The following OR14A2 variants were observed in gnomAD, a reference collection of about 807,000 sequenced individuals.
OR14A2 encodes olfactory receptor family 14 subfamily A member 2, also known as olfactory receptor 14A2.
For synonymous variants in OR14A2, 114 were observed against 58.6 expected (o/e 1.95, Z -4.32); for missense variants, 237 against 152.9 (o/e 1.55, Z -2.90).
chr1:247,738,366 A>C, the OR14A2 span, among the ~76,000 whole-genome samples: 1 of 152,224 alleles, frequency 6.6e-6, no homozygotes, highest in African/African-American at 2.4e-5. Flanking sequence ...GAGGGAGAGA[A>C]GTGAAGTTCT....
chr1:247,731,154 A>G, the OR14A2 span, among the ~76,000 whole-genome samples: 1 of 151,948 alleles, frequency 6.6e-6, no homozygotes, highest in Non-Finnish European at 1.5e-5. Context: ...TGCTGTCAAC[A>G]AATTCCTCTT....
chr1:247,731,316 C>T, the OR14A2 span, among the ~76,000 whole-genome samples: 1 of 152,036 alleles, frequency 6.6e-6, no homozygotes, highest in Non-Finnish European at 1.5e-5. Flanking sequence ...GTGTAATCAT[C>T]ATTTCTAGTG....
chr1:247,731,302 C>T, the OR14A2 span, among the ~76,000 whole-genome samples: 2 of 152,038 alleles, frequency 1.3e-5, no homozygotes, highest in South Asian at 2.1e-4. Context: ...TTTCTGTTCT[C>T]TTTGTGTAAT....
upstream of OR14A2, among the ~76,000 whole-genome samples, chr1:247,726,945 A>G (rs1337300531): frequency 6.9e-5 from 10 of 143,918 alleles, no homozygotes; most frequent in South Asian, 1.3e-3. Context: ...GCCTTGTAGT[A>G]TAGCTTGAAG....
chr1:247,738,596 G>A, the OR14A2 span: 1 of 761,082 alleles, frequency 1.3e-6, no homozygotes, highest in South Asian at 1.4e-5. Context: ...ACTCCATAGG[G>A]CGCTTATAAT....
chr1:247,739,744 TA>T, the OR14A2 span, among the ~76,000 whole-genome samples: 19,663 of 151,862 alleles, frequency 0.13, 2,269 homozygotes, highest in African/African-American at 0.31. Flanking sequence ...TTTTTTTTTT[TA>T]AAATTTTGAG....
At chr1:247,728,601 G>T (rs1054979043), upstream of OR14A2, among the ~76,000 whole-genome samples, 1 of 152,002 alleles carries the variant, frequency 6.6e-6, no homozygotes, top group African/African-American at 2.4e-5. Context: ...AGGAAATAAA[G>T]GGTATTCAAT....
At chr1:247,741,470 T>C in the OR14A2 span, among the ~76,000 whole-genome samples, 1 of 152,304 alleles carries the variant, frequency 6.6e-6, no homozygotes, top group East Asian at 1.9e-4. Context: ...ACTTATCAAC[T>C]TTGAGTTGAA....
chr1:247,738,914 C>G, the OR14A2 span: 2 of 780,620 alleles, frequency 2.6e-6, no homozygotes, highest in Non-Finnish European at 4.8e-6. Context: ...TGCAGCTCTT[C>G]TTGGTGGTAC....
the OR14A2 span, among the ~76,000 whole-genome samples, chr1:247,741,816 A>G: frequency 6.6e-6 from 1 of 152,152 alleles, no homozygotes; most frequent in Non-Finnish European, 1.5e-5. Context: ...CTCTTTATTC[A>G]CCATTGTGAC....
At chr1:247,732,100 G>A in the OR14A2 span, among the ~76,000 whole-genome samples, 60 of 151,848 alleles carry the variant, frequency 4.0e-4, no homozygotes, top group Non-Finnish European at 2.9e-4. Flanking sequence ...AATATCTTTC[G>A]GTCTTTCTGT....
At chr1:247,731,511 T>A in the OR14A2 span, among the ~76,000 whole-genome samples, 1 of 152,062 alleles carries the variant, frequency 6.6e-6, no homozygotes, top group Non-Finnish European at 1.5e-5. Flanking sequence ...AGATTTCTAT[T>A]TCCCTCAGAT....
the OR14A2 span, among the ~76,000 whole-genome samples, chr1:247,732,237 G>T: frequency 4.6e-5 from 7 of 151,782 alleles, no homozygotes; most frequent in African/African-American, 1.5e-4. Flanking sequence ...CTTTTCTGGC[G>T]CCCCAGTCCA....
At chr1:247,729,710 T>C in the OR14A2 span, among the ~76,000 whole-genome samples, 2 of 152,102 alleles carry the variant, frequency 1.3e-5, no homozygotes, top group Non-Finnish European at 2.9e-5. Context: ...ATCAATATGC[T>C]TCTCCAAAGT....
At chr1:247,743,378 G>T in the OR14A2 span, among the ~76,000 whole-genome samples, 1 of 152,192 alleles carries the variant, frequency 6.6e-6, no homozygotes, top group East Asian at 1.9e-4. Context: ...ATTGAGTGCT[G>T]TTGCCAGTGG....
the OR14A2 span, among the ~76,000 whole-genome samples, chr1:247,743,337 T>C: frequency 0.17 from 25,652 of 151,830 alleles, 4,186 homozygotes; most frequent in African/African-American, 0.43. Context: ...TCCACTGGAG[T>C]GTCTATAATG....
the OR14A2 span, among the ~76,000 whole-genome samples, chr1:247,733,785 T>C: frequency 6.6e-6 from 1 of 151,930 alleles, no homozygotes; most frequent in African/African-American, 2.4e-5. Flanking sequence ...AAAGGATTAT[T>C]CTCTCACCAC....
At chr1:247,744,551 T>C in the OR14A2 span, among the ~76,000 whole-genome samples, 2 of 152,150 alleles carry the variant, frequency 1.3e-5, no homozygotes, top group African/African-American at 4.8e-5. The surrounding 1 kb of genome is among the most constrained non-coding windows in gnomAD (Gnocchi z 4.3). Context: ...GGGTTAAGAG[T>C]TTTGGATGTA....
downstream of OR14A2, chr1:247,723,005 A>G (rs1471352469): frequency 3.2e-6 from 2 of 617,994 alleles, no homozygotes; most frequent in Non-Finnish European, 5.9e-6. Context: ...ATTTGAGTAT[A>G]TTGCTTTCTT....
Sources: allele counts gnomAD v4.1 joint callset (sites outside exome capture counted in the v4.1 genomes callset), GRCh38; gene constraint gnomAD v4.1.1; non-coding constraint Gnocchi (gnomAD v3.1); transcripts MANE v1.5; gene names NCBI Gene and HGNC (gene_info 2026-07-23, HGNC 2026-07-21).